The following GTF2B variants were observed in gnomAD, a reference collection of about 807,000 sequenced individuals.
The protein encoded by GTF2B is transcription initiation factor IIB.
In GTF2B, 20 loss-of-function variants were observed where a neutral mutation model predicts 34.6. That is an observed-to-expected ratio of 0.58 (90% CI 0.41 to 0.84). GTF2B has a LOEUF of 0.84. Among genes scored for constraint, GTF2B ranks in the 40% least tolerant of loss-of-function variants. GTF2B has a pLI of 0.00. For missense variants in GTF2B, 237 were observed against 393.3 expected (o/e 0.60, Z 3.36); for synonymous variants, 142 against 132.4 (o/e 1.07, Z -0.50).
chr1:88,886,810 T>C (rs1352436342), intron 2 of GTF2B, among the ~76,000 whole-genome samples: 2 of 106,660 alleles, frequency 1.9e-5, no homozygotes, highest in South Asian at 4.2e-4. Flanking sequence ...TTCTGTTTCC[T>C]AATTGTTTTT....
intron 1 of GTF2B, 55 bp downstream of exon 1, chr1:88,891,419 GCCTAAAAGC>G: frequency 7.3e-7 from 1 of 1,367,494 alleles, no homozygotes; most frequent in African/African-American, 1.4e-5. Flanking sequence ...CCCGGAGGCC[GCCTAAAAGC>G]CGGCGGCGCT....
rs900504914 is a variant in GTF2B, at chr1:88,891,249, G to A, written c.17+234C>T. Among the ~76,000 whole-genome samples the A allele has an allele frequency of 3.3e-5, 5 of 152,054 alleles. 1 individual carries two copies. The highest frequency in any genetic ancestry group is 2.1e-4 in the South Asian group (1 of 4,826). The stretch of plus-strand genomic sequence containing the variant: ...CAGTAGCCCACCAGGACCCACATAG[G>A]GTGATATCTACATAAGACTCCAGGG... On this transcript the variant is annotated intron_variant, in intron 1 of 6. Transcript: ENST00000370500.
At chr1:88,868,784 A>G (rs916456132) in intron 2 of GTF2B, among the ~76,000 whole-genome samples, 8 of 151,300 alleles carry the variant, frequency 5.3e-5, no homozygotes, top group South Asian at 2.1e-4. Flanking sequence ...CGCCCAGGCT[A>G]GAGTGCAGTG....
intron 3 of GTF2B, among the ~76,000 whole-genome samples, chr1:88,862,099 G>A (rs1026259978): frequency 1.3e-5 from 2 of 152,156 alleles, no homozygotes; most frequent in African/African-American, 4.8e-5. Flanking sequence ...CTGAAAAAGA[G>A]CAATGAGGGA....
chr1:88,880,574 A>G (rs1298248577), intron 2 of GTF2B, among the ~76,000 whole-genome samples: 4 of 152,224 alleles, frequency 2.6e-5, no homozygotes, highest in Non-Finnish European at 5.9e-5. Flanking sequence ...CACTGACTCC[A>G]GAGAGCTGAA....
chr1:88,884,665 G>A (rs1674023413), intron 2 of GTF2B, among the ~76,000 whole-genome samples: 1 of 151,882 alleles, frequency 6.6e-6, no homozygotes, highest in Non-Finnish European at 1.5e-5. Context: ...AAAAAATTCT[G>A]TTGTGTTAAG....
At chr1:88,882,250 C>T (rs1355353243) in intron 2 of GTF2B, among the ~76,000 whole-genome samples, 1 of 132,322 alleles carries the variant, frequency 7.6e-6, no homozygotes, top group Non-Finnish European at 1.5e-5. Flanking sequence ...GCAGAGGCTG[C>T]AGTGAGCGGA....
chr1:88,869,672 G>T (rs1673643626), intron 2 of GTF2B, among the ~76,000 whole-genome samples: 1 of 151,878 alleles, frequency 6.6e-6, no homozygotes, highest in Admixed American at 6.6e-5. Context: ...CTTTTGCCCA[G>T]GCTAGTGTGC....
At chr1:88,858,311 T>C (rs1673364854) in intron 5 of GTF2B, among the ~76,000 whole-genome samples, 1 of 152,210 alleles carries the variant, frequency 6.6e-6, no homozygotes, top group Non-Finnish European at 1.5e-5. Context: ...ATTTAGGTCT[T>C]AATCTTTCAA....
At chr1:88,885,457 A>G (rs1674045135) in intron 2 of GTF2B, among the ~76,000 whole-genome samples, 3 of 146,744 alleles carry the variant, frequency 2.0e-5, no homozygotes, top group Admixed American at 1.4e-4. Flanking sequence ...GTATCAAAAA[A>G]AAAACTTTGG....
At chr1:88,860,751 G>A (rs1157665300) in intron 3 of GTF2B, among the ~76,000 whole-genome samples, 4 of 152,068 alleles carry the variant, frequency 2.6e-5, no homozygotes, top group Non-Finnish European at 2.9e-5. Flanking sequence ...ATCAAAATTC[G>A]TCTTTGATAA....
chr1:88,873,302 T>C (rs1040453090), intron 2 of GTF2B, among the ~76,000 whole-genome samples: 2 of 151,692 alleles, frequency 1.3e-5, no homozygotes, highest in Admixed American at 6.6e-5. Flanking sequence ...TGATTCTCCT[T>C]TCTCAGCCTT....
At position 88,864,073 on chromosome 1, in the gene GTF2B, T is replaced by C; in HGVS notation, c.166A>G (p.Ser56Gly). The change falls in exon 3 of 7, where the codon AGC becomes GGC. Residue 56 changes from serine to glycine, a missense_variant. By Grantham distance (56) the Ser-to-Gly change is moderately conservative (BLOSUM62 0). Coordinates refer to ENST00000370500, the MANE Select transcript of GTF2B (RefSeq NM_001514.6). ...IDVGSEWRTF[S>G]NDKATKDPSR... Reference sequence around the variant, plus strand: ...GGATCTTTTGTTGCTTTGTCATTGCTGAAAGTTCGCCATTCAGATCCCACA... The same window carrying C: ...GGATCTTTTGTTGCTTTGTCATTGCCGAAAGTTCGCCATTCAGATCCCACA... 2 of 1,613,720 alleles carry C rather than the reference T, an allele frequency of 1.2e-6. No individual in the cohort carries two copies. Among genetic ancestry groups the C allele is most frequent in the Admixed American group, 1.7e-5 (1 of 60,022 alleles).
At chr1:88,888,085 T>C (rs1020320165) in intron 1 of GTF2B, 2 of 152,216 alleles carry the variant, frequency 1.3e-5, no homozygotes, top group African/African-American at 2.4e-5. Context: ...CAACAAAGAT[T>C]TGATCATTAT....
At position 88,853,280 on chromosome 1, in the gene GTF2B, C is replaced by T. The variant is rs760691499; in HGVS notation, c.884G>A (p.Arg295Gln). 3 of 1,610,818 alleles carry T rather than the reference C, an allele frequency of 1.9e-6. No homozygotes were observed. Among genetic ancestry groups the T allele is most frequent in the Middle Eastern group, 1.7e-4 (1 of 6,058 alleles). Residue 295 changes from arginine (R) to glutamine (Q), a missense_variant, in exon 7 of 7, where the codon CGA becomes CAA. Arg to Gln is a conservative substitution (Grantham distance 43, BLOSUM62 1). Transcript: ENST00000370500. ...IRQSYRLIYP[R>Q]APDLFPTDFK... ...GTCTGTAGGAAACAGATCTGGGGCT[C>T]GAGGATAGATCAGTCTATAGGACTG...
chr1:88,874,345 G>T (rs1367686831), intron 2 of GTF2B, among the ~76,000 whole-genome samples: 6 of 151,768 alleles, frequency 4.0e-5, no homozygotes, highest in Non-Finnish European at 8.8e-5. Flanking sequence ...GTGGGGTCTT[G>T]ATCTGTCACC....
intron 2 of GTF2B, among the ~76,000 whole-genome samples, chr1:88,884,888 T>C (rs867697055): frequency 1.3e-5 from 2 of 152,226 alleles, no homozygotes; most frequent in Admixed American, 6.5e-5. Context: ...AAGTTAACTT[T>C]TCTTGTTTTG....
At chr1:88,879,491 C>T (rs991698359) in intron 2 of GTF2B, among the ~76,000 whole-genome samples, 2 of 150,248 alleles carry the variant, frequency 1.3e-5, no homozygotes, top group Admixed American at 6.7e-5. Context: ...GGCTGAGGCA[C>T]GAGAATCGCT....
chr1:88,861,218 A>G (rs1673434100), intron 3 of GTF2B, among the ~76,000 whole-genome samples: 1 of 151,264 alleles, frequency 6.6e-6, no homozygotes, highest in African/African-American at 2.5e-5. Flanking sequence ...TCATGAAGAA[A>G]ACTTTCAAAC....
Sources: allele counts gnomAD v4.1 joint callset (sites outside exome capture counted in the v4.1 genomes callset), GRCh38; gene constraint gnomAD v4.1.1; transcripts MANE v1.5; gene names NCBI Gene and HGNC (gene_info 2026-07-23, HGNC 2026-07-21).